The following ZBTB20 variants were observed in gnomAD, a reference collection of about 807,000 sequenced individuals.
The protein encoded by ZBTB20 is zinc finger and BTB domain containing 20.
In ZBTB20, 9 loss-of-function variants were observed where a neutral mutation model predicts 56.9. The observed-to-expected ratio is 0.16, with a 90% CI of 0.10 to 0.28. The LOEUF is 0.28. Ranked by LOEUF, ZBTB20 falls within the 10% of genes least tolerant of loss-of-function variation. The pLI, the probability that ZBTB20 is intolerant of heterozygous loss-of-function variation, is 1.00. For missense variants in ZBTB20, 655 were observed against 1,003.0 expected (o/e 0.65, Z 4.69); for synonymous variants, 417 against 420.7 (o/e 0.99, Z 0.11).
intron 6 of ZBTB20, among the ~76,000 whole-genome samples, chr3:114,642,029 AG>A (rs1274921654): frequency 6.6e-6 from 1 of 152,044 alleles, no homozygotes; most frequent in Non-Finnish European, 1.5e-5. Flanking sequence ...TTAAGTCTGT[AG>A]TACCTAGTTT....
chr3:114,991,455 T>A (rs1010198590), intron 2 of ZBTB20, among the ~76,000 whole-genome samples: 4 of 152,208 alleles, frequency 2.6e-5, no homozygotes, highest in African/African-American at 9.6e-5. Context: ...TTGATTGCAC[T>A]GTGGTCTGAG....
chr3:114,451,304 C>T (rs1319487865), intron 7 of ZBTB20, among the ~76,000 whole-genome samples: 1 of 151,758 alleles, frequency 6.6e-6, no homozygotes, highest in Non-Finnish European at 1.5e-5. Flanking sequence ...TCTCTCTCAA[C>T]TCAGCACAGG....
intron 1 of ZBTB20, among the ~76,000 whole-genome samples, chr3:115,078,613 G>GTGTGTGTGTGTGTGTGTGTGTA (rs769630983): frequency 7.3e-6 from 1 of 137,828 alleles, no homozygotes; most frequent in African/African-American, 2.8e-5. Context: ...GTGTGTGTGT[G>GTGTGTGTGTGTGTGTGTGTGTA]TATATATATA....
chr3:114,564,121 A>ATC (rs140370618), intron 6 of ZBTB20, among the ~76,000 whole-genome samples: 8 of 150,134 alleles, frequency 5.3e-5, no homozygotes, highest in African/African-American at 9.7e-5. Context: ...GCATCTTTCA[A>ATC]TCTCTCTCTC....
intron 6 of ZBTB20, among the ~76,000 whole-genome samples, chr3:114,592,628 C>A (rs2055888327): frequency 6.6e-6 from 1 of 152,124 alleles, no homozygotes; most frequent in Admixed American, 6.5e-5. Flanking sequence ...ACCATTTGTG[C>A]AAGAGTCTGA....
intron 4 of ZBTB20, among the ~76,000 whole-genome samples, chr3:114,887,786 T>C (rs2107615457): frequency 6.6e-6 from 1 of 152,292 alleles, no homozygotes. Flanking sequence ...AGGTAACTAG[T>C]ACACTTTCCC....
intron 10 of ZBTB20, 109 bp downstream of exon 10, chr3:114,380,108 A>T: frequency 8.2e-7 from 1 of 1,215,800 alleles, no homozygotes; most frequent in Non-Finnish European, 1.1e-6. Flanking sequence ...TGGCTGCTTT[A>T]GAAGACCAAA....
chr3:114,526,902 C>T (rs1393327835), intron 6 of ZBTB20, among the ~76,000 whole-genome samples: 4 of 152,142 alleles, frequency 2.6e-5, no homozygotes, highest in Non-Finnish European at 5.9e-5. Flanking sequence ...AGAATATATG[C>T]CTGCTCTCCA....
intron 2 of ZBTB20, among the ~76,000 whole-genome samples, chr3:115,047,728 A>G (rs1035476502): frequency 6.6e-6 from 1 of 152,188 alleles, no homozygotes; most frequent in Non-Finnish European, 1.5e-5. Flanking sequence ...GTTGGTTGAG[A>G]TAAACACAAG....
intron 6 of ZBTB20, among the ~76,000 whole-genome samples, chr3:114,576,394 C>A (rs990514784): frequency 4.0e-5 from 6 of 150,160 alleles, no homozygotes; most frequent in Non-Finnish European, 5.9e-5. Flanking sequence ...CCCAGCTACT[C>A]GGGAGGCTGA....
chr3:114,417,318 CAT>C (rs2088668944), intron 7 of ZBTB20, among the ~76,000 whole-genome samples: 3 of 152,192 alleles, frequency 2.0e-5, no homozygotes, highest in Admixed American at 2.0e-4. Context: ...AGAAAACACT[CAT>C]GTGGACTTTA....
intron 2 of ZBTB20, among the ~76,000 whole-genome samples, chr3:115,043,604 A>G (rs1420963723): frequency 1.3e-5 from 2 of 148,306 alleles, no homozygotes; most frequent in African/African-American, 4.9e-5. Flanking sequence ...AATAAAATAA[A>G]ATAAAATAAA....
Position 114,336,548 on chromosome 3 carries a change from T to C in ZBTB20, c.*2457A>G, listed in dbSNP as rs1185559962. 2.0e-5 allele frequency: 3 copies of C among 152,160 alleles called. No individual in the cohort carries two copies. Among genetic ancestry groups the C allele is most frequent in the Non-Finnish European group, 4.4e-5 (3 of 68,020 alleles). 9.4% of individuals were successfully genotyped at this position (152,160 alleles called of 1,614,324 possible). On this transcript the variant is annotated 3_prime_UTR_variant, in exon 12 of 12. Transcript: ENST00000675478. ...ACTTCTAGCAAAATATCCACTGAAT[T>C]AAGCACTGTGGGACCAAATCAAACT...
At position 114,646,956 on chromosome 3, in the gene ZBTB20, T is replaced by TTTTA. The variant is rs1362999392; in HGVS notation, c.-295+46568_-295+46571dup. Among the ~76,000 whole-genome samples the TTTTA allele has an allele frequency of 7.9e-5, 12 of 152,178 alleles. No individual in the cohort carries two copies. In the East Asian group the frequency reaches 2.1e-3, roughly 27 times the overall value. ...ATCAAGGCAGTTTTATTTTATTTTA[T>TTTTA]TTTATTTATTTATTTTTTTTTAGAC... On this transcript the variant is annotated intron_variant, in intron 6 of 11. Coordinates refer to ENST00000675478, the MANE Select transcript of ZBTB20 (RefSeq NM_001348800.3).
In ZBTB20 at chr3:114,318,621, C is replaced by T. The variant is rs2078781807; in HGVS notation, c.*20384G>A. 1 of 152,148 alleles carries T rather than the reference C, an allele frequency of 6.6e-6. No individual in the cohort carries two copies. The highest frequency in any genetic ancestry group is 2.4e-5 in the African/African-American group (1 of 41,410). The allele number at this position is 152,148 out of a possible 1,614,324, so 9.4% of individuals were successfully genotyped here. A position where few individuals can be genotyped will look rare whatever the true frequency, so the allele number is the denominator to read the frequency against. On this transcript the variant is annotated 3_prime_UTR_variant, in exon 12 of 12. Transcript: ENST00000675478. ...ATGCCTCTCTTTGCATCAGGTTGGC[C>T]CCCAGTCCCTAAGAAGGCAATGATT...
chr3:115,000,678 C>T (rs181352603), intron 2 of ZBTB20, among the ~76,000 whole-genome samples: 4 of 151,614 alleles, frequency 2.6e-5, no homozygotes, highest in Non-Finnish European at 5.9e-5. Flanking sequence ...ACCTTATGTG[C>T]GACTCATAAA....
chr3:114,925,303 C>T (rs890340469), intron 3 of ZBTB20, among the ~76,000 whole-genome samples: 3 of 151,726 alleles, frequency 2.0e-5, no homozygotes, highest in African/African-American at 7.3e-5. Flanking sequence ...TTAATAATTT[C>T]TTATTTCTCT....
At chr3:114,630,518 C>T (rs1277105440) in intron 6 of ZBTB20, among the ~76,000 whole-genome samples, 1 of 152,162 alleles carries the variant, frequency 6.6e-6, no homozygotes, top group African/African-American at 2.4e-5. Context: ...TGCTACCTGC[C>T]ACGTACTGGA....
chr3:114,716,501 G>T (rs917021466), intron 5 of ZBTB20, among the ~76,000 whole-genome samples: 2 of 152,078 alleles, frequency 1.3e-5, no homozygotes, highest in African/African-American at 4.8e-5. Flanking sequence ...ATAATTTTTG[G>T]TCTGCAGGGT....
Sources: allele counts gnomAD v4.1 joint callset (sites outside exome capture counted in the v4.1 genomes callset), GRCh38; gene constraint gnomAD v4.1.1; transcripts MANE v1.5; gene names NCBI Gene and HGNC (gene_info 2026-07-23, HGNC 2026-07-21).